The following COL21A1 variants were observed in gnomAD, a reference collection of about 807,000 sequenced individuals.
The protein encoded by COL21A1 is collagen type XXI alpha 1 chain, also known as collagen alpha-1(XXI) chain.
A neutral mutation model predicts 137.9 loss-of-function variants in COL21A1; 149 were observed. The ratio of observed to expected loss-of-function variants is 1.08; its 90% CI spans 0.95 to 1.24. The LOEUF is 1.24. Ranked by LOEUF, COL21A1 falls within the 50% of genes most tolerant of loss-of-function variation. The probability of loss-of-function intolerance (pLI) is 0.00; values close to 1 mark genes in which losing one functional copy is unlikely to be tolerated. For missense variants in COL21A1, 1,167 were observed against 1,158.4 expected, an observed-to-expected ratio of 1.01 and a Z score of -0.11; for synonymous variants, 456 against 391.5, an observed-to-expected ratio of 1.16 and a Z score of -1.95.
intron 16 of COL21A1, among the ~76,000 whole-genome samples, chr6:56,110,402 CTG>C (rs1039375502): frequency 1.3e-5 from 2 of 151,678 alleles, no homozygotes; most frequent in African/African-American, 4.8e-5. Flanking sequence ...TGTTAAAAGA[CTG>C]ATGGTTTCTA....
intron 17 of COL21A1, among the ~76,000 whole-genome samples, chr6:56,098,662 T>C (rs1195022596): frequency 0.018 from 609 of 33,182 alleles, 62 homozygotes; most frequent in Middle Eastern, 0.047. Context: ...TATAAATATA[T>C]ATAAATATAT....
At chr6:56,280,951 G>A (rs1763774014) in intron 1 of COL21A1, among the ~76,000 whole-genome samples, 1 of 152,144 alleles carries the variant, frequency 6.6e-6, no homozygotes. Context: ...CCTGCAGTGG[G>A]CCATGACTGT....
chr6:56,110,558 T>G (rs2152186283), intron 16 of COL21A1, among the ~76,000 whole-genome samples: 1 of 152,050 alleles, frequency 6.6e-6, no homozygotes, highest in South Asian at 2.1e-4. Context: ...TCTTTATTTG[T>G]AGTCAATATA....
intron 1 of COL21A1, among the ~76,000 whole-genome samples, chr6:56,260,657 A>AGAGAGAG (rs1562028894): frequency 8.6e-5 from 4 of 46,342 alleles, no homozygotes; most frequent in East Asian, 3.5e-4. Context: ...GGAAGGAAGG[A>AGAGAGAG]ATGAAGGAAG....
rs146887349 is a variant in COL21A1 at position 56,077,228 on chromosome 6, A to C, written c.1857+301T>G. ...ATCTGTACTAAAAAGACATTCAAAA[A>C]TATAGTTAAGTAAATTAACTATAAA... On this transcript the variant is annotated intron_variant, in intron 18 of 29. Coordinates refer to ENST00000244728, the MANE Select transcript of COL21A1 (RefSeq NM_030820.4). 5.7e-3 allele frequency among the ~76,000 whole-genome samples: 870 copies of C among 151,620 alleles called. 4 individuals carry two copies. Among genetic ancestry groups the C allele is most frequent in the Non-Finnish European group, 9.9e-3 (673 of 67,656 alleles).
upstream of COL21A1, among the ~76,000 whole-genome samples, chr6:56,250,937 C>CAAT (rs1562024915): frequency 5.9e-3 from 897 of 152,170 alleles, 8 homozygotes; most frequent in African/African-American, 0.02. Context: ...TTAAACTTCC[C>CAAT]AATGTTTGTT....
chr6:56,180,220 A>G, intron 2 of COL21A1, 91 bp from the exon 3 acceptor site: 1 of 905,404 alleles, frequency 1.1e-6, no homozygotes, highest in Non-Finnish European at 1.6e-6. Context: ...GCTATACACT[A>G]ATATCATTGC....
At chr6:56,138,135 A>G (rs1038281824) in intron 12 of COL21A1, among the ~76,000 whole-genome samples, 1 of 152,192 alleles carries the variant, frequency 6.6e-6, no homozygotes, top group East Asian at 1.9e-4. Context: ...CTTCCATAAA[A>G]AGTAGAGAAA....
At chr6:56,125,216 TTACCA>T (rs745979772) in intron 14 of COL21A1, among the ~76,000 whole-genome samples, 1 of 150,550 alleles carries the variant, frequency 6.6e-6, no homozygotes, top group Non-Finnish European at 1.5e-5. Context: ...AGACAGGGTT[TTACCA>T]TGTTGGCCAG....
chr6:56,271,646 A>T (rs1329119997), intron 1 of COL21A1, among the ~76,000 whole-genome samples: 1 of 152,242 alleles, frequency 6.6e-6, no homozygotes, highest in East Asian at 1.9e-4. Context: ...TCTCCAGAGC[A>T]TGTCAGAGAC....
chr6:56,180,840 T>C (rs1777837186), intron 2 of COL21A1, among the ~76,000 whole-genome samples: 1 of 152,232 alleles, frequency 6.6e-6, no homozygotes, highest in South Asian at 2.1e-4. Flanking sequence ...TAGCTGTTCT[T>C]TTCTGCGCAT....
At chr6:56,273,235 G>A (rs1180517193) in intron 1 of COL21A1, among the ~76,000 whole-genome samples, 1 of 152,160 alleles carries the variant, frequency 6.6e-6, no homozygotes, top group Non-Finnish European at 1.5e-5. Flanking sequence ...TTCAGCCAAA[G>A]CAGTGTTAAG....
intron 1 of COL21A1, among the ~76,000 whole-genome samples, chr6:56,352,259 G>A (rs1280604902): frequency 6.6e-6 from 1 of 152,064 alleles, no homozygotes; most frequent in Non-Finnish European, 1.5e-5. Context: ...GCACAGCACT[G>A]TTACTAATCC....
intron 1 of COL21A1, among the ~76,000 whole-genome samples, chr6:56,307,717 T>G (rs559869111): frequency 2.5e-3 from 384 of 152,262 alleles, no homozygotes; most frequent in Non-Finnish European, 4.5e-3. Context: ...CTCAGTGCAC[T>G]GCACCCACGG....
chr6:56,284,878 G>T (rs1763868538), intron 1 of COL21A1, among the ~76,000 whole-genome samples: 1 of 152,116 alleles, frequency 6.6e-6, no homozygotes, highest in Non-Finnish European at 1.5e-5. Context: ...CATGGACATG[G>T]TTTTCTCTCC....
intron 9 of COL21A1, among the ~76,000 whole-genome samples, chr6:56,161,291 A>G (rs1211633375): frequency 6.6e-6 from 1 of 152,220 alleles, no homozygotes; most frequent in African/African-American, 2.4e-5. Flanking sequence ...CTGACCTAAT[A>G]CATCTAACGT....
intron 1 of COL21A1, among the ~76,000 whole-genome samples, chr6:56,373,990 G>C (rs1009686540): frequency 2.6e-5 from 4 of 152,130 alleles, no homozygotes; most frequent in Non-Finnish European, 4.4e-5. Context: ...AGCTGCCCCA[G>C]ATTCACACCT....
intron 2 of COL21A1, among the ~76,000 whole-genome samples, chr6:56,180,522 T>C (rs369109649): frequency 2.0e-4 from 30 of 152,324 alleles, no homozygotes; most frequent in African/African-American, 5.8e-4. Context: ...TAACAATCTA[T>C]GGTTAAAGGT....
At position 56,277,020 on chromosome 6, in the gene COL21A1, C is replaced by A. The variant is rs1466809039; in HGVS notation, c.-38-94364G>T. ...TATTTTTAGTAGAGATGGGTTTTCACAGTGTTAGCCAGGATGGTCTCAATC... is the reference window on the plus strand; with the variant it reads ...TATTTTTAGTAGAGATGGGTTTTCAAAGTGTTAGCCAGGATGGTCTCAATC... On this transcript the variant is annotated intron_variant, in intron 1 of 28. Transcript: ENST00000370819. Among the ~76,000 whole-genome samples, 4 of 151,516 alleles carry A rather than the reference C, an allele frequency of 2.6e-5. No individual in the cohort carries two copies. In the East Asian group the frequency reaches 7.8e-4, roughly 29 times the overall value.
Sources: gnomAD v4.1 joint callset for allele counts (sites outside exome capture counted in the v4.1 genomes callset) on GRCh38, gnomAD v4.1.1 for gene constraint, MANE v1.5 for transcripts, NCBI Gene and HGNC (gene_info 2026-07-23, HGNC 2026-07-21) for gene names.